The following ANKRD10 variants were observed in gnomAD, a reference collection of about 807,000 sequenced individuals.
ANKRD10 encodes ankyrin repeat domain 10.
ANKRD10 carries 14 observed loss-of-function variants against 27.0 expected under a neutral mutation model. That is an observed-to-expected ratio of 0.52 (90% CI 0.34 to 0.81). The LOEUF is 0.81. Ranked by LOEUF, ANKRD10 falls within the 40% of genes least tolerant of loss-of-function variation. ANKRD10 has a pLI of 0.01. For synonymous variants in ANKRD10, 250 were observed against 224.5 expected (o/e 1.11, Z -1.01); for missense variants, 493 against 544.0 (o/e 0.91, Z 0.93).
At chr13:110,897,402 G>A (rs534572421) in intron 3 of ANKRD10, among the ~76,000 whole-genome samples, 1 of 151,094 alleles carries the variant, frequency 6.6e-6, no homozygotes, top group African/African-American at 2.4e-5. Context: ...GAGATTAGAG[G>A]CATGAGCCAC....
chr13:110,908,528 A>G (rs992020386), intron 2 of ANKRD10, among the ~76,000 whole-genome samples: 2 of 152,222 alleles, frequency 1.3e-5, no homozygotes, highest in African/African-American at 4.8e-5. Context: ...AACAGACTAG[A>G]AATTGGCTTA....
intron 5 of ANKRD10, chr13:110,883,452 G>T: frequency 8.5e-7 from 1 of 1,174,794 alleles, no homozygotes; most frequent in Non-Finnish European, 1.1e-6. Context: ...CTACAAACTT[G>T]CCCAAGATAT....
rs568270456 is a variant in ANKRD10 at position 110,894,012 on chromosome 13, G to A, written c.456-749C>T. 16 of 884,852 alleles carry A rather than the reference G, an allele frequency of 1.8e-5. No homozygotes were observed. The South Asian group carries it at 1.8e-4, about 10-fold the overall frequency. The allele number at this position is 884,852 out of a possible 1,614,324, so 54.8% of individuals were successfully genotyped here. ...TAATAGTACTAAAAAGGAAAGGTCT[G>A]AGACCTCTACAGTAGCTAAAACTCA... On this transcript the variant is annotated intron_variant, in intron 3 of 5. Transcript: ENST00000267339.
intron 1 of ANKRD10, among the ~76,000 whole-genome samples, chr13:110,911,973 A>G (rs914822116): frequency 1.3e-5 from 2 of 152,198 alleles, no homozygotes; most frequent in Non-Finnish European, 2.9e-5. Context: ...CCTATGGGGG[A>G]AAAAAGCCTA....
chr13:110,910,380 A>ACATCACCCTGGATCAGTTTAT (rs1441988216), intron 2 of ANKRD10, among the ~76,000 whole-genome samples: 16 of 152,230 alleles, frequency 1.1e-4, no homozygotes, highest in Non-Finnish European at 1.9e-4. Flanking sequence ...AACCTTGGGC[A>ACATCACCCTGGATCAGTTTAT]CATCACCCTG....
chr13:110,896,204 G>A (rs1031325872), intron 3 of ANKRD10, among the ~76,000 whole-genome samples: 4 of 152,188 alleles, frequency 2.6e-5, no homozygotes, highest in African/African-American at 4.8e-5. Context: ...ATTACTTAGA[G>A]GAGACTGTAA....
chr13:110,910,558 T>TTTAAAGC lies in ANKRD10; in HGVS notation c.363+59_363+60insGCTTTAA, dbSNP rs2065666825. 5.6e-6 allele frequency: 9 copies of TTTAAAGC among 1,596,638 alleles called. No homozygotes were observed. The Admixed American group carries it at 1.0e-4, about 18-fold the overall frequency. ...CCTCGATTTAAAGCAATACCGTGTA[T>TTTAAAGC]AATTATAACTGCAAAAAGAAAAAGC... On this transcript the variant is annotated intron_variant, in intron 2 of 5. Coordinates refer to ENST00000267339, the MANE Select transcript of ANKRD10 (RefSeq NM_017664.4).
At chr13:110,910,872 T>C (rs2065679917) in intron 1 of ANKRD10, 102 bp from the exon 2 acceptor site, 6 of 1,254,874 alleles carry the variant, frequency 4.8e-6, no homozygotes, top group South Asian at 1.6e-5. Flanking sequence ...AATGGCATTG[T>C]TACCAGTTTT....
At chr13:110,898,340 T>G (rs1351174734) in intron 3 of ANKRD10, among the ~76,000 whole-genome samples, 1 of 152,224 alleles carries the variant, frequency 6.6e-6, no homozygotes, top group Non-Finnish European at 1.5e-5. Flanking sequence ...AAATAATCAT[T>G]AAAGATCATA....
chr13:110,893,263 G>A lies in ANKRD10; in HGVS notation c.456C>T (p.Asp152=). 1.2e-6 allele frequency: 2 copies of A among 1,613,758 alleles called. No individual in the cohort carries two copies. Among genetic ancestry groups the A allele is most frequent in the Non-Finnish European group, 1.7e-6 (2 of 1,179,784 alleles). ...SALVANGAHV[D]LRNASGLTAA... is the part of the protein sequence containing the mutation. ...CTGTCAGGCCACTGGCATTTCTCAG[G>A]CTGTACAACACAAAAACACTGAATT... is the stretch of plus-strand genomic sequence containing the variant. The change falls in exon 4 of 6, where the codon GAC becomes GAT. Residue 152 remains aspartate (D), a splice_region_variant and synonymous_variant. Transcript: ENST00000267339.
chr13:110,893,799 T>G (rs190792467), intron 3 of ANKRD10, among the ~76,000 whole-genome samples: 1 of 152,264 alleles, frequency 6.6e-6, no homozygotes. Flanking sequence ...TATCATCAGA[T>G]TCCAGAGCTG....
chr13:110,897,111 T>A (rs67357970), intron 3 of ANKRD10, among the ~76,000 whole-genome samples: 1 of 151,886 alleles, frequency 6.6e-6, no homozygotes, highest in Non-Finnish European at 1.5e-5. Context: ...ACACTAGAAT[T>A]TATCTTTCCA....
chr13:110,904,857 C>T (rs968062320), intron 3 of ANKRD10, among the ~76,000 whole-genome samples: 3 of 152,172 alleles, frequency 2.0e-5, no homozygotes, highest in Non-Finnish European at 2.9e-5. Flanking sequence ...AAACTAATGG[C>T]GAATCTTGCC....
chr13:110,883,398 A>T, intron 5 of ANKRD10: 1 of 579,086 alleles, frequency 1.7e-6, no homozygotes, highest in Non-Finnish European at 2.3e-6. Flanking sequence ...GATTGCACTT[A>T]CATTTTTCAT....
intron 3 of ANKRD10, chr13:110,894,413 A>AAAAAAAAAAC (rs2065169570): frequency 3.3e-6 from 1 of 302,976 alleles, no homozygotes; most frequent in Non-Finnish European, 6.0e-6. Context: ...CAAAAAAAAA[A>AAAAAAAAAAC]AAAAAAAAAA....
At chr13:110,891,721 GTTGA>G (rs1404237600) in intron 4 of ANKRD10, among the ~76,000 whole-genome samples, 4 of 152,150 alleles carry the variant, frequency 2.6e-5, no homozygotes, top group South Asian at 4.1e-4. Context: ...AACTTGCACG[GTTGA>G]TTTTTTTAAA....
At position 110,880,088 on chromosome 13, in the gene ANKRD10, G is replaced by A. The variant is rs373158154; in HGVS notation, c.812C>T (p.Ser271Leu). The A allele has an allele frequency of 5.1e-5, 82 of 1,613,730 alleles. No individual in the cohort carries two copies. Among genetic ancestry groups the A allele is most frequent in the Middle Eastern group, 4.9e-4 (3 of 6,082 alleles). Residue 271 changes from serine (S) to leucine (L), a missense_variant, in exon 6 of 6, where the codon TCG (serine) becomes TTG (leucine). Physicochemically the swap from Ser to Leu is moderately radical, Grantham distance 145. Transcript: ENST00000267339. ...GACACATCCATTTGTCAATGTATTC[G>A]ATACGGAGCTACTGTTTTTCATATC... ...VTDMKNSSSV[S>L]NTLTNGCVIN...
intron 4 of ANKRD10, among the ~76,000 whole-genome samples, chr13:110,890,712 T>C (rs2138834555): frequency 6.6e-6 from 1 of 152,312 alleles, no homozygotes; most frequent in South Asian, 2.1e-4. Flanking sequence ...CCTGCAACAC[T>C]TAAGCAGAAG....
At chr13:110,905,992 A>G in intron 3 of ANKRD10, 41 bp downstream of exon 3, 1 of 1,528,434 alleles carries the variant, frequency 6.5e-7, no homozygotes, top group South Asian at 1.2e-5. Flanking sequence ...AACATCCTCA[A>G]CTACATCTTT....
Sources: allele counts gnomAD v4.1 joint callset (sites outside exome capture counted in the v4.1 genomes callset), GRCh38; gene constraint gnomAD v4.1.1; transcripts MANE v1.5; gene names NCBI Gene and HGNC (gene_info 2026-07-23, HGNC 2026-07-21).